Variants in PCDHA1 observed in about 807,000 individuals in gnomAD.
PCDHA1 encodes protocadherin alpha 1.
Under a neutral mutation model 61.3 loss-of-function variants are expected in PCDHA1, and 42 were observed. The ratio of observed to expected loss-of-function variants is 0.69; its 90% CI spans 0.54 to 0.89. PCDHA1 has a LOEUF of 0.89. Ranked by LOEUF, PCDHA1 falls within the 40% of genes least tolerant of loss-of-function variation. The probability of loss-of-function intolerance (pLI) is 0.00; values close to 1 mark genes in which losing one functional copy is unlikely to be tolerated. For missense variants in PCDHA1, 1,256 were observed against 1,235.3 expected, an observed-to-expected ratio of 1.02 and a Z score of -0.25; for synonymous variants, 610 against 553.8, an observed-to-expected ratio of 1.10 and a Z score of -1.43.
Position 140,935,377 on chromosome 5 carries a change from C to T in PCDHA1, c.2395-43572C>T, listed in dbSNP as rs139207351. On this transcript the variant is annotated intron_variant, in intron 1 of 3. Coordinates refer to ENST00000504120, the MANE Select transcript of PCDHA1 (RefSeq NM_018900.4). ...GTTTTCATTAACGTCAACAGAATTA[C>T]TCATTTGTTATCCCACGGGACTCAA... is the stretch of plus-strand genomic sequence containing the variant. Among the ~76,000 whole-genome samples the T allele has an allele frequency of 1.3e-4, 20 of 152,332 alleles. No individual in the cohort carries two copies. In the East Asian group the frequency reaches 3.1e-3, roughly 23 times the overall value.
At chr5:140,839,159 T>C (rs781039323) in intron 1 of PCDHA1, among the ~76,000 whole-genome samples, 1 of 96,652 alleles carries the variant, frequency 1.0e-5, no homozygotes, top group Admixed American at 9.7e-5. Flanking sequence ...GCTGCTCTTG[T>C]TGAAAGATAT....
intron 3 of PCDHA1, among the ~76,000 whole-genome samples, chr5:141,006,429 G>A (rs541690957): frequency 1.3e-5 from 2 of 152,004 alleles, no homozygotes; most frequent in South Asian, 4.2e-4. Context: ...TAGCCAGGAT[G>A]GTCTCAATCT....
chr5:140,823,659 C>T (rs1562273954), intron 1 of PCDHA1: 1 of 1,613,866 alleles, frequency 6.2e-7, no homozygotes, highest in Non-Finnish European at 8.5e-7. Flanking sequence ...TGTACACAGG[C>T]GAGATCAGCA....
chr5:140,920,747 G>A (rs565649077), intron 1 of PCDHA1, among the ~76,000 whole-genome samples: 10 of 152,052 alleles, frequency 6.6e-5, no homozygotes, highest in African/African-American at 2.4e-4. Context: ...AGGAGGCTGA[G>A]GCAGGAGAAT....
intron 1 of PCDHA1, among the ~76,000 whole-genome samples, chr5:140,906,614 TTTG>T (rs1448753363): frequency 6.6e-6 from 1 of 152,208 alleles, no homozygotes; most frequent in Non-Finnish European, 1.5e-5. Flanking sequence ...CTGTATTCCC[TTTG>T]CCTTCAGCAA....
At chr5:140,805,221 AT>A (rs1246875738) in intron 1 of PCDHA1, 61 of 1,397,428 alleles carry the variant, frequency 4.4e-5, no homozygotes, top group Non-Finnish European at 5.4e-5. Context: ...ATTGTTTTCT[AT>A]TCTGCTGCAT....
chr5:140,861,442 G>T (rs251368), intron 1 of PCDHA1: 232,262 of 488,424 alleles, frequency 0.48, 56,771 homozygotes, highest in South Asian at 0.56. Context: ...TCCAAAAGCC[G>T]CAGAAACCTT....
chr5:140,985,885 G>A (rs1218097274), intron 3 of PCDHA1, among the ~76,000 whole-genome samples: 4 of 151,548 alleles, frequency 2.6e-5, no homozygotes, highest in Non-Finnish European at 5.9e-5. Flanking sequence ...GACTACAGGC[G>A]CCCGCCACCA....
chr5:140,851,517 A>T, intron 1 of PCDHA1: 3 of 904,862 alleles, frequency 3.3e-6, no homozygotes, highest in Non-Finnish European at 4.0e-6. Context: ...AATATGTTTT[A>T]AAATGCCTGA....
chr5:141,001,792 T>C (rs1442216091), intron 3 of PCDHA1, among the ~76,000 whole-genome samples: 3 of 152,192 alleles, frequency 2.0e-5, no homozygotes, highest in African/African-American at 7.2e-5. Context: ...AGCCTGAGTA[T>C]ATACTATCAT....
At chr5:140,925,108 G>GGAAGGAA (rs1554202548) in intron 1 of PCDHA1, among the ~76,000 whole-genome samples, 42 of 124,700 alleles carry the variant, frequency 3.4e-4, no homozygotes, top group African/African-American at 1.4e-3. Context: ...GAAGGAAGGA[G>GGAAGGAA]GGAAGGAAGG....
chr5:140,850,468 C>A, intron 1 of PCDHA1: 2 of 1,597,912 alleles, frequency 1.3e-6, no homozygotes, highest in Non-Finnish European at 8.6e-7. Flanking sequence ...GGGGAGCCAG[C>A]GCTGACGGCC....
intron 1 of PCDHA1, among the ~76,000 whole-genome samples, chr5:140,943,702 G>C (rs2153663732): frequency 6.6e-6 from 1 of 152,280 alleles, no homozygotes; most frequent in South Asian, 2.1e-4. Context: ...AAATATTGTG[G>C]AACACATTTA....
intron 1 of PCDHA1, chr5:140,928,140 G>C (rs200493520): frequency 2.5e-5 from 41 of 1,614,036 alleles, no homozygotes; most frequent in Non-Finnish European, 3.2e-5. Context: ...TCCTGATCAC[G>C]GCCTCAGATA....
intron 1 of PCDHA1, chr5:140,801,061 C>A (rs887998358): frequency 1.3e-5 from 19 of 1,453,456 alleles, no homozygotes; most frequent in Non-Finnish European, 1.7e-5. Context: ...GCGTGCATTA[C>A]GTATTCAGAT....
rs183641281 is a variant in PCDHA1 at position 140,797,446 on chromosome 5, A to G, written c.2394+8762A>G. On this transcript the variant is annotated intron_variant, in intron 1 of 3. Coordinates refer to ENST00000504120, the MANE Select transcript of PCDHA1 (RefSeq NM_018900.4). ...TAGTTATTTAGATTCATAGTTCTTC[A>G]TTTATTTTATATCATCCTACCGTGC... The G allele has an allele frequency of 4.2e-4, 556 of 1,337,682 alleles. 4 individuals are homozygous for G. The highest frequency in any genetic ancestry group is 3.0e-3 in the Middle Eastern group (14 of 4,704). The allele number at this position is 1,337,682 out of a possible 1,614,324, so 82.9% of individuals were successfully genotyped here.
chr5:140,929,225 C>T (rs1249117880), intron 1 of PCDHA1: 2 of 1,613,724 alleles, frequency 1.2e-6, no homozygotes, highest in Non-Finnish European at 1.7e-6. Flanking sequence ...TACAATGCTG[C>T]CGACCTGCGA....
Position 140,927,344 on chromosome 5 carries a change from A to G in PCDHA1, c.2395-51605A>G, listed in dbSNP as rs144568777. 1.0e-4 allele frequency: 168 copies of G among 1,613,994 alleles called. No homozygotes were observed. Among genetic ancestry groups the G allele is most frequent in the Middle Eastern group, 8.2e-4 (5 of 6,062 alleles). On this transcript the variant is annotated intron_variant, in intron 1 of 3. Transcript: ENST00000504120. ...TTTACTCTCCCGAATGCCCAAGATGACGACGAGGGAAGCAATGGGATACTA... is the reference window on the plus strand; with the variant it reads ...TTTACTCTCCCGAATGCCCAAGATGGCGACGAGGGAAGCAATGGGATACTA...
rs2149896804 is a variant in PCDHA1 at position 140,787,987 on chromosome 5, T to C, written c.1697T>C (p.Leu566Pro). 1 of 1,613,988 alleles carries C rather than the reference T, an allele frequency of 6.2e-7. No individual in the cohort carries two copies. Among genetic ancestry groups the C allele is most frequent in the Non-Finnish European group, 8.5e-7 (1 of 1,179,886 alleles). Reference protein sequence around the residue: ...LDENDNAPALLAPRVGGTIGA... With the variant: ...LDENDNAPALPAPRVGGTIGA... The stretch of plus-strand genomic sequence containing the variant: ...GAGAACGACAACGCGCCGGCGCTGC[T>C]GGCGCCTCGAGTGGGTGGCACTATT... The change falls in exon 1 of 4, where the codon CTG becomes CCG. Residue 566 changes from leucine to proline, a missense_variant. By Grantham distance (98) the Leu-to-Pro change is moderately conservative. Transcript: ENST00000504120.
Sources: allele counts gnomAD v4.1 joint callset (sites outside exome capture counted in the v4.1 genomes callset), GRCh38; gene constraint gnomAD v4.1.1; transcripts MANE v1.5; gene names NCBI Gene and HGNC (gene_info 2026-07-23, HGNC 2026-07-21).